Variants in RBPMS observed in about 807,000 individuals in gnomAD.
RBPMS encodes the protein RNA binding protein, mRNA processing factor.
A neutral mutation model predicts 26.8 loss-of-function variants in RBPMS; 7 were observed. That is an observed-to-expected ratio of 0.26 (90% CI 0.15 to 0.49). The LOEUF is 0.49. Ranked by LOEUF, RBPMS falls within the 20% of genes least tolerant of loss-of-function variation. The probability of loss-of-function intolerance (pLI) is 0.98; values close to 1 mark genes in which losing one functional copy is unlikely to be tolerated. For synonymous variants in RBPMS, 96 were observed against 93.3 expected (o/e 1.03, Z -0.17); for missense variants, 186 against 250.0 (o/e 0.74, Z 1.73).
chr8:30,421,248 G>C (rs1194987705), intron 1 of RBPMS, among the ~76,000 whole-genome samples: 2 of 152,124 alleles, frequency 1.3e-5, no homozygotes, highest in Non-Finnish European at 2.9e-5. Context: ...AGCATCTAGG[G>C]TGGAGCTAAG....
chr8:30,453,637 G>A lies in RBPMS; in HGVS notation c.67-21142G>A, dbSNP rs188144309. 280 of 152,194 alleles carry A rather than the reference G, an allele frequency of 1.8e-3. 2 individuals are homozygous for A. The highest frequency in any genetic ancestry group is 6.5e-3 in the African/African-American group (269 of 41,520). The allele number at this position is 152,194 out of a possible 1,614,324, so 9.4% of individuals were successfully genotyped here. On this transcript the variant is annotated intron_variant, in intron 1 of 8. Coordinates refer to ENST00000397323, the MANE Select transcript of RBPMS (RefSeq NM_001008710.3). ...CAGAAGTACCTTATAAAATCTAATTGCAAATCTGTTTCTTATACAAAAGGG... is the reference window on the plus strand; with the variant it reads ...CAGAAGTACCTTATAAAATCTAATTACAAATCTGTTTCTTATACAAAAGGG...
Position 30,571,214 on chromosome 8 carries a change from T to G in RBPMS, c.*689T>G, listed in dbSNP as rs1420339960. 1 of 152,178 alleles carries G rather than the reference T, an allele frequency of 6.6e-6. No homozygotes were observed. The highest frequency in any genetic ancestry group is 1.9e-4 in the East Asian group (1 of 5,198). 9.4% of individuals were successfully genotyped at this position (152,178 alleles called of 1,614,324 possible). On this transcript the variant is annotated 3_prime_UTR_variant, in exon 9 of 9. Transcript: ENST00000397323. ...AATCAACCAGAAGCCTCCAGGAGCT[T>G]CTACCTATGGCTTATTCACAACTGG...
At chr8:30,519,168 T>G (rs1036565907) in intron 5 of RBPMS, among the ~76,000 whole-genome samples, 7 of 152,154 alleles carry the variant, frequency 4.6e-5, no homozygotes, top group Non-Finnish European at 1.0e-4. Flanking sequence ...GTGTTTTCCA[T>G]GGCTTGGGTT....
chr8:30,568,452 C>T (rs1324290981), intron 8 of RBPMS, among the ~76,000 whole-genome samples: 3 of 152,178 alleles, frequency 2.0e-5, no homozygotes, highest in Non-Finnish European at 2.9e-5. Context: ...TCTGTCCCCA[C>T]GTTCTGAGTT....
At chr8:30,460,106 G>A (rs1815714356) in intron 1 of RBPMS, among the ~76,000 whole-genome samples, 1 of 152,182 alleles carries the variant, frequency 6.6e-6, no homozygotes, top group African/African-American at 2.4e-5. Context: ...GTCTTTGGTG[G>A]AGAGTACTAA....
rs58166545 is a variant in RBPMS at position 30,546,695 on chromosome 8, C to T, written c.528+2071C>T. On this transcript the variant is annotated intron_variant, in intron 6 of 8. Coordinates refer to ENST00000397323, the MANE Select transcript of RBPMS (RefSeq NM_001008710.3). ...ACTCTCCTCTGGTATCAGTTTTCAA[C>T]GCCACTTCTTGTTTGGAGTCATTCC... Among the ~76,000 whole-genome samples the T allele has an allele frequency of 2.2e-4, 34 of 152,324 alleles. No individual in the cohort carries two copies. The East Asian group carries it at 4.8e-3, about 22-fold the overall frequency.
chr8:30,544,049 C>T (rs1206968692), intron 5 of RBPMS, among the ~76,000 whole-genome samples: 1 of 152,202 alleles, frequency 6.6e-6, no homozygotes, highest in East Asian at 1.9e-4. Context: ...AAAAGTCTTC[C>T]AGTTCTGGTC....
chr8:30,388,494 T>C (rs1807382415), intron 1 of RBPMS, among the ~76,000 whole-genome samples: 2 of 61,328 alleles, frequency 3.3e-5, no homozygotes. Flanking sequence ...TAAGCTAACT[T>C]ATAACTTATA....
chr8:30,442,931 T>G (rs1813281880), intron 1 of RBPMS: 1 of 152,222 alleles, frequency 6.6e-6, no homozygotes, highest in South Asian at 2.1e-4. Flanking sequence ...CGATAAGCTC[T>G]CCGACCGTGA....
At chr8:30,486,547 C>T (rs1382058106) in intron 4 of RBPMS, among the ~76,000 whole-genome samples, 3 of 151,470 alleles carry the variant, frequency 2.0e-5, no homozygotes, top group Non-Finnish European at 4.4e-5. Context: ...GCAGGAGAAT[C>T]GCTTGAACCC....
chr8:30,391,872 G>A (rs528938139), intron 1 of RBPMS, among the ~76,000 whole-genome samples: 2 of 152,172 alleles, frequency 1.3e-5, no homozygotes, highest in East Asian at 3.9e-4. Flanking sequence ...CTGCAGAATT[G>A]TCAGAAATCT....
intron 6 of RBPMS, among the ~76,000 whole-genome samples, chr8:30,549,978 G>C (rs1826224822): frequency 6.6e-6 from 1 of 151,758 alleles, no homozygotes; most frequent in African/African-American, 2.4e-5. Context: ...AGCCTCCCAA[G>C]TAGCTGGGAC....
chr8:30,554,809 T>C (rs1198743554), intron 6 of RBPMS, among the ~76,000 whole-genome samples: 2 of 152,188 alleles, frequency 1.3e-5, no homozygotes, highest in Admixed American at 1.3e-4. Flanking sequence ...GTAGTGACTA[T>C]TAATTGAGCC....
chr8:30,525,443 C>A (rs1823475391), intron 5 of RBPMS, among the ~76,000 whole-genome samples: 1 of 152,190 alleles, frequency 6.6e-6, no homozygotes, highest in Non-Finnish European at 1.5e-5. Flanking sequence ...ACCCACAACT[C>A]CCTATTTATA....
At chr8:30,529,179 A>G (rs1823923702) in intron 5 of RBPMS, among the ~76,000 whole-genome samples, 1 of 152,024 alleles carries the variant, frequency 6.6e-6, no homozygotes, top group African/African-American at 2.4e-5. Flanking sequence ...AGATTGCGCC[A>G]CTGCATCCAG....
intron 2 of RBPMS, among the ~76,000 whole-genome samples, chr8:30,476,584 C>G (rs919427345): frequency 6.6e-6 from 1 of 152,138 alleles, no homozygotes. Context: ...AAGGATGAAT[C>G]AATCTCAACA....
At chr8:30,409,830 A>G (rs1028600494) in intron 1 of RBPMS, among the ~76,000 whole-genome samples, 5 of 151,538 alleles carry the variant, frequency 3.3e-5, no homozygotes, top group African/African-American at 1.2e-4. Flanking sequence ...ACGGGGTTTC[A>G]CCACGTTGGC....
chr8:30,526,296 C>G (rs998093140), intron 5 of RBPMS, among the ~76,000 whole-genome samples: 6 of 152,226 alleles, frequency 3.9e-5, no homozygotes, highest in Non-Finnish European at 8.8e-5. Flanking sequence ...TAAATTTAAT[C>G]CCTTTACAAA....
At chr8:30,502,139 C>CTTTTT (rs34541775) in intron 4 of RBPMS, among the ~76,000 whole-genome samples, 1 of 132,078 alleles carries the variant, frequency 7.6e-6, no homozygotes, top group South Asian at 2.5e-4. Context: ...AACTTCTGAG[C>CTTTTT]TTTTTTTTTT....
Sources: gnomAD v4.1 joint callset for allele counts (sites outside exome capture counted in the v4.1 genomes callset) on GRCh38, gnomAD v4.1.1 for gene constraint, MANE v1.5 for transcripts, NCBI Gene and HGNC (gene_info 2026-07-23, HGNC 2026-07-21) for gene names.